CASKIN1: variants seen among roughly 807,000 people sequenced by gnomAD.
CASKIN1 encodes CASK interacting protein 1.
CASKIN1 carries 42 observed loss-of-function variants against 117.5 expected under a neutral mutation model. The ratio of observed to expected loss-of-function variants is 0.36; its 90% confidence interval spans 0.28 to 0.46. CASKIN1 has a LOEUF of 0.46. Ranked by LOEUF, CASKIN1 falls within the 20% of genes least tolerant of loss-of-function variation. The pLI is 1.00. For missense variants in CASKIN1, 2,083 were observed against 2,077.3 expected (o/e 1.00, Z -0.05); for synonymous variants, 1,148 against 961.7 (o/e 1.19, Z -3.59).
At chr16:2,189,632 G>A in intron 3 of CASKIN1, 68 bp from the exon 4 acceptor site, 1 of 1,499,050 alleles carries the variant, frequency 6.7e-7, no homozygotes, top group African/African-American at 1.4e-5. Flanking sequence ...ATAGGGGGGT[G>A]CTGGGACCTG....
At chr16:2,195,557 G>A (rs995304504) in intron 1 of CASKIN1, among the ~76,000 whole-genome samples, 1 of 152,220 alleles carries the variant, frequency 6.6e-6, no homozygotes, top group African/African-American at 2.4e-5. Context: ...ATGAGTGCTG[G>A]GACCAGGGCT....
chr16:2,189,391 C>T (rs564765678), intron 4 of CASKIN1, 28 bp downstream of exon 4: 136 of 1,609,970 alleles, frequency 8.4e-5, no homozygotes, highest in Middle Eastern at 5.0e-4. Flanking sequence ...GCCCCGCCCC[C>T]GCTGCCCCGC....
Position 2,184,868 on chromosome 16 carries a change from C to T in CASKIN1, c.1325G>A (p.Gly442Asp). The T allele has an allele frequency of 6.4e-7, 1 of 1,573,308 alleles. No individual in the cohort carries two copies. The highest frequency in any genetic ancestry group is 2.3e-5 in the East Asian group (1 of 44,242). Residue 442 changes from glycine to aspartate, a missense_variant and splice_region_variant, in exon 14 of 20, where the codon GGT (glycine) becomes GAT (aspartate). Around this residue, in one of 3 missense-constraint regions of CASKIN1, gnomAD observed 1,818 missense variants for 1,688.9 expected, o/e 1.08. Transcript: ENST00000343516. ...SPAKPPEGSA[G>D]VARSQPPVAH... ...CACTGGAGGCTGGGACCGGGCCACACCTGAGGACGAGAGTGGGTGGGGGAC... is the reference window on the plus strand; with the variant it reads ...CACTGGAGGCTGGGACCGGGCCACATCTGAGGACGAGAGTGGGTGGGGGAC...
intron 19 of CASKIN1, 54 bp downstream of exon 19, chr16:2,178,848 G>GCCCATCTCTGCCGAGCCCCA (rs2093155410): frequency 1.6e-6 from 2 of 1,239,974 alleles, no homozygotes; most frequent in African/African-American, 3.4e-5. Flanking sequence ...GCCGAGCCCC[G>GCCCATCTCTGCCGAGCCCCA]CCCATCTCTG....
intron 14 of CASKIN1, 30 bp from the exon 15 acceptor site, chr16:2,183,971 T>A (rs746621925): frequency 6.8e-7 from 1 of 1,480,252 alleles, no homozygotes. Context: ...CACTGCAGGC[T>A]CGCCTGCCCG....
chr16:2,192,302 CAA>C (rs769383895), intron 1 of CASKIN1, among the ~76,000 whole-genome samples: 16 of 127,348 alleles, frequency 1.3e-4, no homozygotes, highest in Admixed American at 1.6e-4. Flanking sequence ...GACCCTGTCT[CAA>C]AAAAAAAAAA....
intron 19 of CASKIN1, 76 bp downstream of exon 19, chr16:2,178,813 TCTCTGCCGAGCCC>T (rs2093154882): frequency 7.7e-7 from 1 of 1,294,740 alleles, no homozygotes; most frequent in Non-Finnish European, 9.9e-7. Context: ...GCCCCGCCCA[TCTCTGCCGAGCCC>T]CGCCCATCTC....
chr16:2,179,840 G>C lies in CASKIN1; in HGVS notation c.3528C>G (p.Thr1176=). ...GCTCCGAGGCCGGTCGGCGGCGCAC[G>C]GTGCCAGTGCCATTATGGTACACGG... ...PLSVYHNGTG[T]VRRRPASEQA... The change falls in exon 18 of 20, where the codon ACC becomes ACG. Residue 1176 remains threonine, a synonymous_variant. Transcript: ENST00000343516. The surrounding 1 kb of genome is among the most constrained non-coding windows in gnomAD (Gnocchi z 5.8). The C allele has an allele frequency of 1.2e-6, 2 of 1,602,876 alleles. No individual in the cohort carries two copies. Among genetic ancestry groups the C allele is most frequent in the Non-Finnish European group, 1.7e-6 (2 of 1,176,086 alleles).
intron 10 of CASKIN1, 97 bp downstream of exon 10, chr16:2,186,610 C>T (rs25848): frequency 0.029 from 31,611 of 1,094,862 alleles, 573 homozygotes; most frequent in Non-Finnish European, 0.036. Context: ...CCCAGAAACC[C>T]AGCCCTGCTG....
At chr16:2,187,714 TG>T (rs2141322714) in intron 6 of CASKIN1, among the ~76,000 whole-genome samples, 1 of 151,848 alleles carries the variant, frequency 6.6e-6, no homozygotes, top group African/African-American at 2.4e-5. Flanking sequence ...CTCCACCTCC[TG>T]GGTTCAAGCG....
At position 2,178,925 on chromosome 16, in the gene CASKIN1, C is replaced by T; in HGVS notation, c.4176G>A (p.Arg1392=). The T allele has an allele frequency of 6.7e-7, 1 of 1,491,182 alleles. No homozygotes were observed. Among genetic ancestry groups the T allele is most frequent in the Non-Finnish European group, 8.8e-7 (1 of 1,131,306 alleles). 92.4% of individuals were successfully genotyped at this position (1,491,182 alleles called of 1,614,324 possible). ...AALQAVEEKI[R]QEDAQGPRDS... ...ACCGCGGGCCCTGCGCGTCCTCCTG[C>T]CGGATCTTCTCCTCCACCGCCTGCA... Residue 1392 remains arginine, a synonymous_variant, in exon 19 of 20, where the codon CGG becomes CGA. Coordinates refer to ENST00000343516, the MANE Select transcript of CASKIN1 (RefSeq NM_020764.4).
rs1339359675 is a variant in CASKIN1, at chr16:2,180,194, C to T, written c.3174G>A (p.Glu1058=). The change falls in exon 18 of 20, where the codon GAG becomes GAA. Residue 1058 remains glutamate, a synonymous_variant. Coordinates refer to ENST00000343516, the MANE Select transcript of CASKIN1 (RefSeq NM_020764.4). Reference sequence around the variant, plus strand: ...TGAGCGTGCGGCGCCGGTTCACCACCTCCCCGCCAGGCCCGATGGCCTCTT... The same window carrying T: ...TGAGCGTGCGGCGCCGGTTCACCACTTCCCCGCCAGGCCCGATGGCCTCTT... ...KHKEAIGPGG[E]VVNRRRTLSG... 3.2e-6 allele frequency: 5 copies of T among 1,549,836 alleles called. No homozygotes were observed. Among genetic ancestry groups the T allele is most frequent in the Non-Finnish European group, 4.4e-6 (5 of 1,147,454 alleles).
At chr16:2,186,949 G>C (rs753262857) in intron 9 of CASKIN1, 29 bp downstream of exon 9, 1 of 1,611,660 alleles carries the variant, frequency 6.2e-7, no homozygotes, top group East Asian at 2.2e-5. Context: ...CCCCCTCCCT[G>C]CTGAGATGGC....
Position 2,182,843 on chromosome 16 carries a change from T to G in CASKIN1, c.1629+803A>C, listed in dbSNP as rs998842374. 6.6e-6 allele frequency among the ~76,000 whole-genome samples: 1 copy of G among 152,204 alleles called. No individual in the cohort carries two copies. Among genetic ancestry groups the G allele is most frequent in the Non-Finnish European group, 1.5e-5 (1 of 68,016 alleles). On this transcript the variant is annotated intron_variant, in intron 16 of 19. Coordinates refer to ENST00000343516, the MANE Select transcript of CASKIN1 (RefSeq NM_020764.4). This position sits in a 1 kb window ranked among gnomAD's most constrained non-coding sequence, Gnocchi z 4.1. Reference sequence around the variant, plus strand: ...CCTCGCTCTGTCGCCCAGGCTGGAGTGCAGTGGCGCAATCTCGGCTCACTG... The same window carrying G: ...CCTCGCTCTGTCGCCCAGGCTGGAGGGCAGTGGCGCAATCTCGGCTCACTG...
chr16:2,193,030 T>TA (rs2093205498), intron 1 of CASKIN1, among the ~76,000 whole-genome samples: 1 of 152,176 alleles, frequency 6.6e-6, no homozygotes, highest in Non-Finnish European at 1.5e-5. Flanking sequence ...TCTTTTTTTT[T>TA]ATTGGAGATG....
At chr16:2,190,026 C>T (rs1345758718) in intron 3 of CASKIN1, 47 bp downstream of exon 3, 28 of 1,481,872 alleles carry the variant, frequency 1.9e-5, no homozygotes, top group Admixed American at 5.1e-5. Flanking sequence ...GAGCCCCCCT[C>T]GCTGCCCCCG....
At chr16:2,185,491 A>T (rs945987396) in intron 10 of CASKIN1, 83 bp from the exon 11 acceptor site, 3 of 1,205,204 alleles carry the variant, frequency 2.5e-6, no homozygotes, top group Non-Finnish European at 3.4e-6. Context: ...AGACTGGCGC[A>T]GCCACAGCCG....
chr16:2,178,242 G>C lies in CASKIN1; in HGVS notation c.*308C>G. ...ATGGGCAGTTCTGTGCTGGGCCCGG[G>C]CCTGTGCGCTGCCCCATCCCTGGTC... On this transcript the variant is annotated 3_prime_UTR_variant, in exon 20 of 20. Transcript: ENST00000343516. 2.4e-6 allele frequency: 1 copy of C among 412,018 alleles called. No individual in the cohort carries two copies. Among genetic ancestry groups the C allele is most frequent in the Admixed American group, 4.2e-5 (1 of 23,966 alleles). The allele number at this position is 412,018 out of a possible 1,614,324, so 25.5% of individuals were successfully genotyped here.
Position 2,185,033 on chromosome 16 carries a change from G to C in CASKIN1, c.1242C>G (p.Leu414=), listed in dbSNP as rs1396332288. Residue 414 remains leucine, a splice_region_variant and synonymous_variant, in exon 13 of 20, where the codon CTC becomes CTG. Coordinates refer to ENST00000343516, the MANE Select transcript of CASKIN1 (RefSeq NM_020764.4). ...ACTTCTGGGAAAGCACCGTTGCCAG[G>C]AGCTGCAACCCAGAAACCCCGGCTT... ...ALHAGSEGVK[L]LATVLSQKSV... 1.1e-5 allele frequency: 17 copies of C among 1,608,696 alleles called. No individual in the cohort carries two copies. The highest frequency in any genetic ancestry group is 1.4e-5 in the Non-Finnish European group (17 of 1,176,578).
Sources: gnomAD v4.1 joint callset for allele counts (sites outside exome capture counted in the v4.1 genomes callset) on GRCh38, gnomAD v4.1.1 for gene constraint, gnomAD v4.1.1 regional missense constraint, Gnocchi (gnomAD v3.1) non-coding constraint, MANE v1.5 for transcripts, NCBI Gene and HGNC (gene_info 2026-07-23, HGNC 2026-07-21) for gene names.